Variants in PCDHA4 observed in about 807,000 individuals in gnomAD.
The protein encoded by PCDHA4 is protocadherin alpha-4.
A neutral mutation model predicts 61.4 loss-of-function variants in PCDHA4; 49 were observed. That is an observed-to-expected ratio of 0.80 (90% confidence interval 0.63 to 1.01). The LOEUF is 1.01. Ranked by LOEUF, PCDHA4 falls within the 50% of genes least tolerant of loss-of-function variation. The pLI is 0.00. For missense variants in PCDHA4, 1,254 were observed against 1,235.8 expected, an observed-to-expected ratio of 1.01 and a Z score of -0.22; for synonymous variants, 590 against 550.3, an observed-to-expected ratio of 1.07 and a Z score of -1.01.
intron 1 of PCDHA4, chr5:140,863,371 C>A: frequency 2.6e-6 from 3 of 1,169,148 alleles, no homozygotes; most frequent in Non-Finnish European, 3.7e-6. Context: ...CTTGGCGCAG[C>A]TCACCGAGAG....
chr5:140,999,527 C>T (rs578180518), intron 3 of PCDHA4, among the ~76,000 whole-genome samples: 27 of 152,206 alleles, frequency 1.8e-4, no homozygotes, highest in African/African-American at 5.8e-4. Flanking sequence ...TTGTTACCCC[C>T]TGGATATGAC....
intron 1 of PCDHA4, among the ~76,000 whole-genome samples, chr5:140,947,307 T>C (rs1329729103): frequency 6.6e-6 from 1 of 151,660 alleles, no homozygotes; most frequent in African/African-American, 2.4e-5. Context: ...GACATCTTTG[T>C]AAAAAGTCGG....
At chr5:141,006,050 G>A (rs1554260524) in intron 3 of PCDHA4, among the ~76,000 whole-genome samples, 1 of 151,092 alleles carries the variant, frequency 6.6e-6, no homozygotes, top group African/African-American at 2.4e-5. Flanking sequence ...GTAGATGAGA[G>A]TGGAGAAGAA....
At chr5:140,842,956 G>A in intron 1 of PCDHA4, 1 of 1,594,910 alleles carries the variant, frequency 6.3e-7, no homozygotes, top group Non-Finnish European at 8.6e-7. Flanking sequence ...TGCCGCCTCT[G>A]GGCAGCAACG....
At chr5:140,960,065 C>G (rs953730101) in intron 1 of PCDHA4, among the ~76,000 whole-genome samples, 1 of 152,120 alleles carries the variant, frequency 6.6e-6, no homozygotes, top group Non-Finnish European at 1.5e-5. Flanking sequence ...ACAGAAGATT[C>G]AATTGAAGTT....
At position 140,830,681 on chromosome 5, in the gene PCDHA4, G is replaced by C. The variant is rs112940654; in HGVS notation, c.2385+21109G>C. On this transcript the variant is annotated intron_variant, in intron 1 of 3. Coordinates refer to ENST00000530339, the MANE Select transcript of PCDHA4 (RefSeq NM_018907.4). ...AATTTAAGTGAAATTAGAAATCACT[G>C]TCCACAATCTGCACCTCAGAATTTT... The C allele has an allele frequency of 8.1e-3, 2,706 of 335,658 alleles. 74 individuals are homozygous for C. Among genetic ancestry groups the C allele is most frequent in the African/African-American group, 0.053 (2,457 of 46,446 alleles). The allele number at this position is 335,658 out of a possible 1,614,324, so 20.8% of individuals were successfully genotyped here.
Position 140,873,523 on chromosome 5 carries a change from G to A in PCDHA4, c.2385+63951G>A, listed in dbSNP as rs1371984958. 2.0e-5 allele frequency among the ~76,000 whole-genome samples: 3 copies of A among 152,090 alleles called. No homozygotes were observed. In the East Asian group the frequency reaches 5.8e-4, roughly 29 times the overall value. ...GTCTTTTATACTTAATGCCAAGATTGCATTCTATGGTATAAAATTATAATT... is the reference window on the plus strand; with the variant it reads ...GTCTTTTATACTTAATGCCAAGATTACATTCTATGGTATAAAATTATAATT... On this transcript the variant is annotated intron_variant, in intron 1 of 3. Transcript: ENST00000530339.
At chr5:140,872,016 C>T (rs2053445167) in intron 1 of PCDHA4, among the ~76,000 whole-genome samples, 1 of 152,182 alleles carries the variant, frequency 6.6e-6, no homozygotes, top group Non-Finnish European at 1.5e-5. Flanking sequence ...TGACCTGTAG[C>T]CTGGAACTGC....
chr5:140,966,793 G>A lies in PCDHA4; in HGVS notation c.2386-12156G>A, dbSNP rs1456903567. 4.6e-6 allele frequency: 7 copies of A among 1,532,300 alleles called. No homozygotes were observed. The Admixed American group carries it at 5.8e-5, about 13-fold the overall frequency. The allele number at this position is 1,532,300 out of a possible 1,614,324, so 94.9% of individuals were successfully genotyped here. A position where few individuals can be genotyped will look rare whatever the true frequency, so the allele number is the denominator to read the frequency against. ...TGGAGCAGGCGGGCACCAGACCTGC[G>A]GCGACAGAGCATCCACGGCTCCGGC... On this transcript the variant is annotated intron_variant, in intron 1 of 3. Transcript: ENST00000530339.
rs542968986 is a variant in PCDHA4, at chr5:141,005,917, A to T, written c.2534-3710A>T. On this transcript the variant is annotated intron_variant, in intron 3 of 3. Transcript: ENST00000530339. ...AGCAATGATTGCACCACTGCACTTCAGCCTGGTTGACAGAGTGAGAACCTA... is the reference window on the plus strand; with the variant it reads ...AGCAATGATTGCACCACTGCACTTCTGCCTGGTTGACAGAGTGAGAACCTA... Among the ~76,000 whole-genome samples the T allele has an allele frequency of 4.5e-4, 69 of 152,156 alleles. No homozygotes were observed. In the South Asian group the frequency reaches 0.013, roughly 28 times the overall value.
intron 1 of PCDHA4, among the ~76,000 whole-genome samples, chr5:140,844,193 C>T (rs2150369320): frequency 6.7e-6 from 1 of 149,658 alleles, no homozygotes; most frequent in Admixed American, 6.7e-5. Flanking sequence ...TCTTATCTGA[C>T]TTTTTAGTGT....
intron 1 of PCDHA4, among the ~76,000 whole-genome samples, chr5:140,912,714 C>T (rs1312540155): frequency 6.6e-6 from 1 of 152,088 alleles, no homozygotes; most frequent in African/African-American, 2.4e-5. Context: ...CAACTTTTCT[C>T]CATTCAATAT....
chr5:140,941,241 T>TTCTTTCTTTC (rs2092943774), intron 1 of PCDHA4, among the ~76,000 whole-genome samples: 1 of 140,458 alleles, frequency 7.1e-6, no homozygotes, highest in African/African-American at 2.7e-5. Flanking sequence ...CTTTCTTTCT[T>TTCTTTCTTTC]TCTTTCTTTC....
intron 1 of PCDHA4, among the ~76,000 whole-genome samples, chr5:140,909,383 C>T (rs782249699): frequency 5.9e-5 from 9 of 152,202 alleles, no homozygotes; most frequent in Non-Finnish European, 1.3e-4. Flanking sequence ...GAAACCACAT[C>T]TAGTACAGCA....
chr5:140,900,912 A>AGAT (rs553485999), intron 1 of PCDHA4, among the ~76,000 whole-genome samples: 1 of 152,198 alleles, frequency 6.6e-6, no homozygotes, highest in Non-Finnish European at 1.5e-5. Context: ...AACTGTGGTA[A>AGAT]GATGATATCT....
At chr5:140,893,264 A>T (rs1554185566) in intron 1 of PCDHA4, among the ~76,000 whole-genome samples, 1 of 152,290 alleles carries the variant, frequency 6.6e-6, no homozygotes, top group African/African-American at 2.4e-5. Context: ...ATAAATGCCC[A>T]ATAGTGGAAT....
intron 1 of PCDHA4, among the ~76,000 whole-genome samples, chr5:140,904,640 C>T (rs1484010152): frequency 6.6e-6 from 1 of 152,046 alleles, no homozygotes; most frequent in Non-Finnish European, 1.5e-5. Flanking sequence ...GGAATCTCCA[C>T]ACTGTTTTCC....
Position 140,869,844 on chromosome 5 carries a change from T to C in PCDHA4, c.2385+60272T>C, listed in dbSNP as rs782664707. The C allele has an allele frequency of 1.3e-5, 21 of 1,611,376 alleles. No individual in the cohort carries two copies. The South Asian group carries it at 1.7e-4, about 13-fold the overall frequency. ...ATCCAGAGTTTGATAAATCAGAATA[T>C]AAGGTGAGCCTTATGGAAAATGCTG... On this transcript the variant is annotated intron_variant, in intron 1 of 3. Transcript: ENST00000530339.
At chr5:140,835,660 C>T (rs1773814607) in intron 1 of PCDHA4, 8 of 1,613,932 alleles carry the variant, frequency 5.0e-6, no homozygotes, top group Middle Eastern at 1.7e-4. Flanking sequence ...CTGGTGGTTA[C>T]CGCGCGGGAC....
Sources: gnomAD v4.1 joint callset for allele counts (sites outside exome capture counted in the v4.1 genomes callset) on GRCh38, gnomAD v4.1.1 for gene constraint, MANE v1.5 for transcripts, NCBI Gene and HGNC (gene_info 2026-07-23, HGNC 2026-07-21) for gene names.